The following PIK3CA variants were observed in gnomAD, a reference collection of about 807,000 sequenced individuals.
The protein encoded by PIK3CA is phosphatidylinositol-4,5-bisphosphate 3-kinase catalytic subunit alpha.
In PIK3CA, 27 loss-of-function variants were observed where a neutral mutation model predicts 138.2. The ratio of observed to expected loss-of-function variants is 0.20; its 90% CI spans 0.14 to 0.27. The LOEUF is 0.27. Ranked by LOEUF, PIK3CA falls within the 10% of genes least tolerant of loss-of-function variation. The pLI, the probability that PIK3CA is intolerant of heterozygous loss-of-function variation, is 1.00. For synonymous variants in PIK3CA, 358 were observed against 413.2 expected, an observed-to-expected ratio of 0.87 and a Z score of 1.62; for missense variants, 544 against 1,277.4, an observed-to-expected ratio of 0.43 and a Z score of 8.75.
At chr3:179,153,534 C>T (rs1170507293) in intron 1 of PIK3CA, among the ~76,000 whole-genome samples, 2 of 152,046 alleles carry the variant, frequency 1.3e-5, no homozygotes, top group African/African-American at 4.8e-5. Context: ...TTACCTTCAA[C>T]CTGTGTGTAT....
chr3:179,154,669 TA>T (rs2108349793), intron 1 of PIK3CA, among the ~76,000 whole-genome samples: 2 of 152,348 alleles, frequency 1.3e-5, no homozygotes, highest in East Asian at 3.9e-4. Context: ...TGTTGCTTGC[TA>T]AGTAACATAA....
At chr3:179,199,324 A>G (rs1033379581) in intron 2 of PIK3CA, 147 bp downstream of exon 2, 19 of 555,892 alleles carry the variant, frequency 3.4e-5, no homozygotes, top group African/African-American at 2.3e-4. Flanking sequence ...ATGTTTTACT[A>G]TCGAACTATG....
At position 179,218,067 on chromosome 3, in the gene PIK3CA, A is replaced by G. The variant is rs564354372; in HGVS notation, c.1540-143A>G. 354 of 728,070 alleles carry G rather than the reference A, an allele frequency of 4.9e-4. No individual in the cohort carries two copies. The African/African-American group carries it at 6.1e-3, about 13-fold the overall frequency. 45.1% of individuals were successfully genotyped at this position (728,070 alleles called of 1,614,324 possible). ...CTGTCTCTGAAAATAAAGTCTTGCA[A>G]TGAAAATAAATTATTTTACAACAGT... On this transcript the variant is annotated intron_variant, in intron 9 of 20. Transcript: ENST00000263967.
intron 4 of PIK3CA, among the ~76,000 whole-genome samples, chr3:179,202,981 C>T (rs963404613): frequency 6.5e-4 from 94 of 145,400 alleles, no homozygotes; most frequent in South Asian, 1.5e-3. Flanking sequence ...TGCTCTGTCG[C>T]CCAGGCTGGA....
chr3:179,151,700 ACTC>A (rs1278405387), intron 1 of PIK3CA, among the ~76,000 whole-genome samples: 1 of 151,814 alleles, frequency 6.6e-6, no homozygotes, highest in Non-Finnish European at 1.5e-5. Flanking sequence ...TCTCCTCCCT[ACTC>A]CTGCAGCTCC....
intron 1 of PIK3CA, among the ~76,000 whole-genome samples, chr3:179,176,178 A>G (rs193136727): frequency 6.6e-6 from 1 of 152,292 alleles, no homozygotes; most frequent in East Asian, 1.9e-4. Context: ...CTACTTCTGT[A>G]TCTATTGAAG....
At chr3:179,162,104 T>A (rs1363439907) in intron 1 of PIK3CA, among the ~76,000 whole-genome samples, 3 of 152,166 alleles carry the variant, frequency 2.0e-5, no homozygotes, top group African/African-American at 7.2e-5. Flanking sequence ...TACAGAAATA[T>A]ACATTTTATC....
intron 1 of PIK3CA, among the ~76,000 whole-genome samples, chr3:179,189,606 G>A (rs1213215740): frequency 6.6e-6 from 1 of 151,896 alleles, no homozygotes; most frequent in Non-Finnish European, 1.5e-5. Context: ...AAATGTGTTA[G>A]CACAGATCCT....
chr3:179,173,420 A>C (rs1055180641), intron 1 of PIK3CA, among the ~76,000 whole-genome samples: 1 of 150,020 alleles, frequency 6.7e-6, no homozygotes, highest in African/African-American at 2.4e-5. Flanking sequence ...AAAAAAAAAA[A>C]AAAAAAAACT....
At chr3:179,210,093 A>G in intron 7 of PIK3CA, 93 bp from the exon 8 acceptor site, 1 of 919,734 alleles carries the variant, frequency 1.1e-6, no homozygotes. Flanking sequence ...ATTATTATAG[A>G]GATGATTGTT....
intron 1 of PIK3CA, among the ~76,000 whole-genome samples, chr3:179,172,737 G>A (rs1024872824): frequency 3.9e-5 from 6 of 152,028 alleles, no homozygotes; most frequent in Non-Finnish European, 8.8e-5. Context: ...TAATTGAGAG[G>A]TACACTATAT....
At chr3:179,210,623 T>C in intron 9 of PIK3CA, 58 bp downstream of exon 9, 2 of 1,520,578 alleles carry the variant, frequency 1.3e-6, no homozygotes, top group Non-Finnish European at 1.8e-6. Flanking sequence ...TTTAGGTAGA[T>C]ACTTTCTCTA....
rs1295156552 is a variant in PIK3CA at position 179,208,892 on chromosome 3, A to G, written c.1146-703A>G. On this transcript the variant is annotated intron_variant, in intron 6 of 20. Transcript: ENST00000263967. The stretch of plus-strand genomic sequence containing the variant: ...TCCTTTGGATAAAACTATATTATGT[A>G]TAAAAGTAACTAAATGTAATCATAA... Among the ~76,000 whole-genome samples, 3 of 150,864 alleles carry G rather than the reference A, an allele frequency of 2.0e-5. 1 individual carries two copies. The highest frequency in any genetic ancestry group is 4.1e-4 in the South Asian group (2 of 4,826).
intron 1 of PIK3CA, among the ~76,000 whole-genome samples, chr3:179,189,800 T>C (rs1184121404): frequency 1.3e-5 from 2 of 152,216 alleles, no homozygotes; most frequent in African/African-American, 4.8e-5. Context: ...GAGGACTTGA[T>C]TTTCCACCCT....
chr3:179,203,432 G>GT, intron 4 of PIK3CA, 112 bp from the exon 5 acceptor site: 2 of 981,806 alleles, frequency 2.0e-6, no homozygotes, highest in Non-Finnish European at 1.5e-6. Flanking sequence ...GGTCTATAAT[G>GT]TTTAATTTTT....
intron 17 of PIK3CA, among the ~76,000 whole-genome samples, 200 bp downstream of exon 17, chr3:179,226,240 C>CTAA (rs975311361): frequency 6.6e-6 from 1 of 151,984 alleles, no homozygotes; most frequent in Non-Finnish European, 1.5e-5. Flanking sequence ...GTAAAAAGAG[C>CTAA]TAATAAGCTA....
intron 1 of PIK3CA, chr3:179,169,321 A>C (rs1723493238): frequency 6.6e-6 from 1 of 152,092 alleles, no homozygotes; most frequent in African/African-American, 2.4e-5. Flanking sequence ...AATTCTACAC[A>C]CAAACACAAA....
chr3:179,176,796 G>C (rs549907430), intron 1 of PIK3CA, among the ~76,000 whole-genome samples: 125 of 152,126 alleles, frequency 8.2e-4, no homozygotes, highest in African/African-American at 2.7e-3. Context: ...GCTTACTTTT[G>C]GGTGAATTTT....
At chr3:179,199,999 G>C (rs1167953117) in intron 3 of PIK3CA, 100 bp downstream of exon 3, 1 of 688,358 alleles carries the variant, frequency 1.5e-6, no homozygotes, top group East Asian at 2.6e-5. Flanking sequence ...CAGCTAGATA[G>C]TAAGCTTCTT....
Sources: allele counts gnomAD v4.1 joint callset (sites outside exome capture counted in the v4.1 genomes callset), GRCh38; gene constraint gnomAD v4.1.1; transcripts MANE v1.5; gene names NCBI Gene and HGNC (gene_info 2026-07-23, HGNC 2026-07-21).